HMCN1: variants seen among roughly 807,000 people sequenced by gnomAD.
HMCN1 encodes the protein hemicentin-1.
Under a neutral mutation model 625.9 loss-of-function variants are expected in HMCN1, and 321 were observed. The ratio of observed to expected loss-of-function variants is 0.51; its 90% CI spans 0.47 to 0.56. The LOEUF is 0.56. Among genes scored for constraint, HMCN1 ranks in the 20% least tolerant of loss-of-function variants. The pLI, the probability that HMCN1 is intolerant of heterozygous loss-of-function variation, is 0.00. For missense variants in HMCN1, 6,588 were observed against 6,887.3 expected, an observed-to-expected ratio of 0.96 and a Z score of 1.54; for synonymous variants, 2,425 against 2,417.6, an observed-to-expected ratio of 1.00 and a Z score of -0.09.
rs769329991 is a variant in HMCN1 at position 186,041,142 on chromosome 1, A to T, written c.6304+6A>T. ...CATTGACCTCCGAGTATATGGTGAGACATTTTAGTAATTAATTCTCTTCTG... is the reference window on the plus strand; with the variant it reads ...CATTGACCTCCGAGTATATGGTGAGTCATTTTAGTAATTAATTCTCTTCTG... On this transcript the variant is annotated splice_donor_region_variant and intron_variant, in intron 40 of 106. Transcript: ENST00000271588. 6.2e-7 allele frequency: 1 copy of T among 1,611,322 alleles called. No homozygotes were observed. The highest frequency in any genetic ancestry group is 2.2e-5 in the East Asian group (1 of 44,770).
At chr1:185,895,942 AT>A (rs113480004) in intron 4 of HMCN1, among the ~76,000 whole-genome samples, 120 of 146,222 alleles carry the variant, frequency 8.2e-4, no homozygotes, top group East Asian at 9.9e-4. Flanking sequence ...TCATTTAATA[AT>A]TTTTTTTTTT....
intron 1 of HMCN1, among the ~76,000 whole-genome samples, chr1:185,817,531 AG>A (rs1476240865): frequency 6.6e-6 from 1 of 152,198 alleles, no homozygotes; most frequent in Non-Finnish European, 1.5e-5. Context: ...ATGATAAAGC[AG>A]TGAAGAATTT....
chr1:185,901,501 A>G (rs957862772), intron 4 of HMCN1, among the ~76,000 whole-genome samples: 2 of 151,760 alleles, frequency 1.3e-5, no homozygotes, highest in African/African-American at 2.4e-5. Flanking sequence ...CTTACTAGAA[A>G]TCTGTAATTT....
Position 186,057,233 on chromosome 1 carries a change from G to T in HMCN1, c.7145-1G>T, listed in dbSNP as rs760730158. 1.2e-5 allele frequency: 20 copies of T among 1,609,412 alleles called. No individual in the cohort carries two copies. On this transcript the variant is annotated splice_acceptor_variant, in intron 45 of 106. Coordinates refer to ENST00000271588, the MANE Select transcript of HMCN1 (RefSeq NM_031935.3). LOFTEE classifies it high-confidence loss of function. ...CCTGTTTGTTTTATTTTGTCTTACAGCTCCTCCAAGCATCATAGGAAACCA... is the reference window on the plus strand; with the variant it reads ...CCTGTTTGTTTTATTTTGTCTTACATCTCCTCCAAGCATCATAGGAAACCA...
intron 1 of HMCN1, among the ~76,000 whole-genome samples, chr1:185,796,939 T>G (rs1035555192): frequency 2.0e-5 from 3 of 152,236 alleles, no homozygotes; most frequent in African/African-American, 2.4e-5. Flanking sequence ...CCATAGAGGT[T>G]GTACTACTTT....
rs141037402 is a variant in HMCN1 at position 185,847,886 on chromosome 1, G to C, written c.339+1790G>C. Among the ~76,000 whole-genome samples the C allele has an allele frequency of 2.6e-5, 4 of 152,088 alleles. No homozygotes were observed. In the South Asian group the frequency reaches 8.3e-4, roughly 32 times the overall value. ...GAGGATCACTTGAGCCCAGGAGTTC[G>C]AGGCTACAATGAGCTATTATGATAC... On this transcript the variant is annotated intron_variant, in intron 2 of 106. Coordinates refer to ENST00000271588, the MANE Select transcript of HMCN1 (RefSeq NM_031935.3).
At chr1:186,071,801 C>A (rs1259006272) in intron 52 of HMCN1, among the ~76,000 whole-genome samples, 3 of 152,166 alleles carry the variant, frequency 2.0e-5, no homozygotes, top group African/African-American at 2.4e-5. Flanking sequence ...TGACTACAAG[C>A]ACACTTCATA....
At chr1:186,030,667 C>T (rs1655369590) in intron 36 of HMCN1, among the ~76,000 whole-genome samples, 1 of 151,838 alleles carries the variant, frequency 6.6e-6, no homozygotes, top group African/African-American at 2.4e-5. Flanking sequence ...AGTATTTAAT[C>T]CATTTACATT....
intron 11 of HMCN1, among the ~76,000 whole-genome samples, chr1:185,951,599 C>T (rs1668677471): frequency 6.6e-6 from 1 of 151,580 alleles, no homozygotes; most frequent in African/African-American, 2.4e-5. Flanking sequence ...AGGAGTCAGT[C>T]AGAGAGCCTT....
chr1:186,128,354 T>C (rs778720447), intron 83 of HMCN1, 63 bp downstream of exon 83: 24 of 1,307,698 alleles, frequency 1.8e-5, no homozygotes, highest in Non-Finnish European at 2.5e-5. Context: ...GACGAAGCTC[T>C]GTTTCCTCCA....
intron 41 of HMCN1, among the ~76,000 whole-genome samples, chr1:186,047,870 G>A (rs981534808): frequency 1.3e-5 from 2 of 152,084 alleles, no homozygotes; most frequent in Non-Finnish European, 2.9e-5. Context: ...ATTAATAAGT[G>A]TTTATTGACT....
rs903275348 is a variant in HMCN1, at chr1:185,902,405, C to CTATA, written c.622-6931_622-6930insATAT. Among the ~76,000 whole-genome samples, 14 of 145,456 alleles carry CTATA rather than the reference C, an allele frequency of 9.6e-5. No homozygotes were observed. The South Asian group carries it at 1.1e-3, about 11-fold the overall frequency. On this transcript the variant is annotated intron_variant, in intron 4 of 106. Transcript: ENST00000271588. ...TCTATCTATCTATCTATCTATCTAT[C>CTATA]TCTATCTATCTATCTATCTATCTAT... is the stretch of plus-strand genomic sequence containing the variant.
At chr1:185,809,998 G>T (rs189917067) in intron 1 of HMCN1, among the ~76,000 whole-genome samples, 1 of 152,186 alleles carries the variant, frequency 6.6e-6, no homozygotes, top group Non-Finnish European at 1.5e-5. Flanking sequence ...ATGATTAAAG[G>T]TGAGGAAATA....
chr1:185,860,825 A>G (rs1418046031), intron 2 of HMCN1, among the ~76,000 whole-genome samples: 1 of 152,184 alleles, frequency 6.6e-6, no homozygotes, highest in Non-Finnish European at 1.5e-5. Flanking sequence ...ATTAAGCCTC[A>G]TATACATAAA....
At chr1:186,039,096 C>A in intron 38 of HMCN1, 91 bp downstream of exon 38, 1 of 889,040 alleles carries the variant, frequency 1.1e-6, no homozygotes, top group African/African-American at 1.6e-5. Flanking sequence ...AAGTATTTAA[C>A]AGAATGTGTT....
chr1:186,156,808 T>G (rs1450512179), intron 97 of HMCN1, among the ~76,000 whole-genome samples: 3 of 152,190 alleles, frequency 2.0e-5, no homozygotes, highest in Admixed American at 2.0e-4. Context: ...AAATAGGAAA[T>G]ATTTAGCTCA....
In HMCN1 at chr1:186,041,232, C is replaced by T; in HGVS notation, c.6304+96C>T. 12 of 1,048,280 alleles carry T rather than the reference C, an allele frequency of 1.1e-5. No homozygotes were observed. The South Asian group carries it at 1.3e-4, about 11-fold the overall frequency. 64.9% of individuals were successfully genotyped at this position (1,048,280 alleles called of 1,614,324 possible). A position where few individuals can be genotyped will look rare whatever the true frequency, so the allele number is the denominator to read the frequency against. ...AAGGGAAGTTGTTGACAATAAAGAA[C>T]AATGAACCTTAGAAATGATATTACA... On this transcript the variant is annotated intron_variant, in intron 40 of 106. Coordinates refer to ENST00000271588, the MANE Select transcript of HMCN1 (RefSeq NM_031935.3).
chr1:185,946,908 A>G (rs564719301), intron 11 of HMCN1, among the ~76,000 whole-genome samples: 1 of 152,212 alleles, frequency 6.6e-6, no homozygotes, highest in Non-Finnish European at 1.5e-5. Flanking sequence ...TAAGAAAAGA[A>G]ATCTTGATGC....
intron 4 of HMCN1, among the ~76,000 whole-genome samples, chr1:185,906,752 A>T (rs1666115748): frequency 6.6e-6 from 1 of 151,570 alleles, no homozygotes; most frequent in Non-Finnish European, 1.5e-5. Flanking sequence ...TTGTTTTCTA[A>T]TGTTTTTTTT....
Sources: gnomAD v4.1 joint callset for allele counts (sites outside exome capture counted in the v4.1 genomes callset) on GRCh38, gnomAD v4.1.1 for gene constraint, MANE v1.5 for transcripts, NCBI Gene and HGNC (gene_info 2026-07-23, HGNC 2026-07-21) for gene names.